The following GRID2 variants were observed in gnomAD, a reference collection of about 807,000 sequenced individuals.
The protein encoded by GRID2 is glutamate receptor ionotropic, delta-2.
GRID2 carries 33 observed loss-of-function variants against 114.8 expected under a neutral mutation model. The observed-to-expected ratio is 0.29, with a 90% CI of 0.22 to 0.38. The LOEUF is 0.38. Among genes scored for constraint, GRID2 ranks in the 10% least tolerant of loss-of-function variants. The pLI is 1.00. For missense variants in GRID2, 1,184 were observed against 1,257.7 expected (o/e 0.94, Z 0.89); for synonymous variants, 505 against 449.9 (o/e 1.12, Z -1.55).
chr4:93,779,853 A>G (rs1014141899), intron 1 of GRID2, among the ~76,000 whole-genome samples: 1 of 152,232 alleles, frequency 6.6e-6, no homozygotes, highest in Non-Finnish European at 1.5e-5. Context: ...GCTTTGTGTC[A>G]GAGAGCAGCA....
chr4:93,412,233 C>T (rs528349171), intron 9 of GRID2, among the ~76,000 whole-genome samples: 2 of 150,628 alleles, frequency 1.3e-5, no homozygotes, highest in Admixed American at 1.3e-4. Context: ...GACCCATCCC[C>T]CCCCCCCAAA....
At chr4:92,312,688 T>G (rs1725767253) in intron 1 of GRID2, among the ~76,000 whole-genome samples, 1 of 152,036 alleles carries the variant, frequency 6.6e-6, no homozygotes, top group Non-Finnish European at 1.5e-5. Context: ...ATCCTGAAAT[T>G]AAGAGGTGAG....
chr4:92,649,898 T>C (rs1273115811), intron 2 of GRID2, among the ~76,000 whole-genome samples: 2 of 152,012 alleles, frequency 1.3e-5, no homozygotes, highest in African/African-American at 2.4e-5. Flanking sequence ...TCATAAGTTA[T>C]AAATATTATT....
chr4:92,484,492 T>A (rs1722770561), intron 1 of GRID2, among the ~76,000 whole-genome samples: 1 of 152,018 alleles, frequency 6.6e-6, no homozygotes, highest in Non-Finnish European at 1.5e-5. Flanking sequence ...CAGAAAAGAG[T>A]TTCTGGAAGA....
rs371594328 is a variant in GRID2, at chr4:93,213,681, T to G, written c.790-3057T>G. On this transcript the variant is annotated intron_variant, in intron 5 of 15. Transcript: ENST00000282020. ...TCTTTTCTTCCCACAATCTTATTCA[T>G]TTCAACCTAAAGCTGATATACTACA... Among the ~76,000 whole-genome samples the G allele has an allele frequency of 4.6e-5, 7 of 152,290 alleles. No homozygotes were observed. In the South Asian group the frequency reaches 1.5e-3, roughly 32 times the overall value.
chr4:92,469,602 A>G (rs1721923204), intron 1 of GRID2, among the ~76,000 whole-genome samples: 1 of 152,000 alleles, frequency 6.6e-6, no homozygotes, highest in South Asian at 2.1e-4. Context: ...GGTTGAATCC[A>G]TGGATGTGGA....
At chr4:93,321,597 G>A (rs1330697149) in intron 8 of GRID2, among the ~76,000 whole-genome samples, 1 of 151,970 alleles carries the variant, frequency 6.6e-6, no homozygotes, top group Non-Finnish European at 1.5e-5. Flanking sequence ...TTTTTGAAAA[G>A]ATTGCCAATA....
At chr4:93,172,615 A>G (rs948773811) in intron 4 of GRID2, among the ~76,000 whole-genome samples, 12 of 152,066 alleles carry the variant, frequency 7.9e-5, no homozygotes, top group African/African-American at 2.9e-4. Context: ...AAAAAAGAAA[A>G]TAATGACAGT....
chr4:93,010,968 AGTTT>A (rs752634795), intron 2 of GRID2, among the ~76,000 whole-genome samples: 24 of 151,606 alleles, frequency 1.6e-4, no homozygotes, highest in Non-Finnish European at 2.5e-4. Context: ...TTTGCTGCTG[AGTTT>A]GTTTTTCTTT....
chr4:92,305,175 T>TG (rs1036632950), intron 1 of GRID2, among the ~76,000 whole-genome samples: 43 of 152,048 alleles, frequency 2.8e-4, no homozygotes, highest in African/African-American at 9.9e-4. Context: ...AGAACTGGGC[T>TG]GGGGGGTAGG....
chr4:92,694,252 A>G (rs1023778287), intron 2 of GRID2, among the ~76,000 whole-genome samples: 5 of 152,182 alleles, frequency 3.3e-5, no homozygotes, highest in Admixed American at 3.3e-4. Flanking sequence ...GAAAAGGGAC[A>G]TGACAAGAGG....
chr4:92,614,778 G>A (rs1209745716), intron 2 of GRID2, among the ~76,000 whole-genome samples: 3 of 151,520 alleles, frequency 2.0e-5, no homozygotes, highest in South Asian at 2.1e-4. Context: ...ATTAATAACT[G>A]AAAGCAAGTA....
chr4:93,788,145 C>G (rs1041501539), intron 1 of GRID2, among the ~76,000 whole-genome samples: 1 of 151,898 alleles, frequency 6.6e-6, no homozygotes, highest in African/African-American at 2.4e-5. Flanking sequence ...GGCGAAACCC[C>G]GTCTCTACTA....
chr4:93,006,604 AAG>A lies in GRID2; in HGVS notation c.245-78386_245-78385del, dbSNP rs377538998. On this transcript the variant is annotated intron_variant, in intron 2 of 15. Coordinates refer to ENST00000282020, the MANE Select transcript of GRID2 (RefSeq NM_001510.4). ...AATTAAAGGCCCTACTGAAAAAAAAAAGAGAGTCACTATATCAGAAAACCGTA... is the reference window on the plus strand; with the variant it reads ...AATTAAAGGCCCTACTGAAAAAAAAAAGAGTCACTATATCAGAAAACCGTA... 3.9e-5 allele frequency among the ~76,000 whole-genome samples: 6 copies of A among 152,066 alleles called. No homozygotes were observed. In the East Asian group the frequency reaches 5.8e-4, roughly 15 times the overall value.
At chr4:93,085,597 G>A (rs1038583042) in intron 3 of GRID2, among the ~76,000 whole-genome samples, 10 of 152,026 alleles carry the variant, frequency 6.6e-5, no homozygotes, top group East Asian at 1.9e-4. Context: ...AAACAACACC[G>A]TCTTTCTTCC....
chr4:92,723,461 G>A (rs148841932), intron 2 of GRID2, among the ~76,000 whole-genome samples: 3 of 152,204 alleles, frequency 2.0e-5, no homozygotes, highest in African/African-American at 7.2e-5. Flanking sequence ...ACAAAAAAAG[G>A]TAGTTTTCTT....
intron 1 of GRID2, among the ~76,000 whole-genome samples, chr4:93,796,632 C>G (rs1171258379): frequency 6.6e-6 from 1 of 152,216 alleles, no homozygotes; most frequent in African/African-American, 2.4e-5. Context: ...CAACCTCCAC[C>G]TCCCGAGTTC....
chr4:92,704,210 G>A (rs1337505991), intron 2 of GRID2, among the ~76,000 whole-genome samples: 2 of 152,086 alleles, frequency 1.3e-5, no homozygotes, highest in African/African-American at 2.4e-5. Flanking sequence ...TCCGGGAGGC[G>A]GAGCTTGCAG....
At chr4:93,670,082 A>G (rs1724278762) in intron 14 of GRID2, among the ~76,000 whole-genome samples, 1 of 152,242 alleles carries the variant, frequency 6.6e-6, no homozygotes, top group Non-Finnish European at 1.5e-5. Context: ...ACACATAGAT[A>G]CTAGTAAAGT....
Sources: gnomAD v4.1 joint callset for allele counts (sites outside exome capture counted in the v4.1 genomes callset) on GRCh38, gnomAD v4.1.1 for gene constraint, MANE v1.5 for transcripts, NCBI Gene and HGNC (gene_info 2026-07-23, HGNC 2026-07-21) for gene names.